Variants in CLASP1 observed in about 807,000 individuals in gnomAD.
CLASP1 encodes the protein cytoplasmic linker associated protein 1, also known as CLIP-associating protein 1.
Under a neutral mutation model 192.3 loss-of-function variants are expected in CLASP1, and 38 were observed. The ratio of observed to expected loss-of-function variants is 0.20; its 90% CI spans 0.15 to 0.26. CLASP1 has a LOEUF of 0.26. CLASP1 is among the 10% of genes least tolerant of loss of function. CLASP1 has a pLI of 1.00. For missense variants in CLASP1, 1,433 were observed against 1,932.5 expected, an observed-to-expected ratio of 0.74 and a Z score of 4.85; for synonymous variants, 691 against 712.8, an observed-to-expected ratio of 0.97 and a Z score of 0.49.
intron 2 of CLASP1, among the ~76,000 whole-genome samples, chr2:121,585,515 C>T (rs2061618249): frequency 2.0e-5 from 3 of 152,024 alleles, no homozygotes; most frequent in South Asian, 2.1e-4. Context: ...ATCCCCTGCC[C>T]TAAACAGGGT....
chr2:121,521,797 A>AC (rs2094463086), intron 6 of CLASP1, among the ~76,000 whole-genome samples: 1 of 152,194 alleles, frequency 6.6e-6, no homozygotes, highest in African/African-American at 2.4e-5. Context: ...CTGGAGGCTG[A>AC]CTACTAGGTC....
At chr2:121,556,394 C>T (rs1354193157) in intron 2 of CLASP1, among the ~76,000 whole-genome samples, 1 of 152,116 alleles carries the variant, frequency 6.6e-6, no homozygotes, top group Non-Finnish European at 1.5e-5. Context: ...GGCCTACAAG[C>T]CCTCATGATC....
chr2:121,546,473 G>A (rs1041721084), intron 2 of CLASP1, among the ~76,000 whole-genome samples: 3 of 151,882 alleles, frequency 2.0e-5, no homozygotes, highest in East Asian at 1.9e-4. Flanking sequence ...CATGGAAAAC[G>A]GAGAAAAGCA....
At chr2:121,457,979 T>C (rs2087048222) in intron 13 of CLASP1, among the ~76,000 whole-genome samples, 1 of 152,192 alleles carries the variant, frequency 6.6e-6, no homozygotes, top group South Asian at 2.1e-4. Context: ...AAGATAAGCC[T>C]AAAACAATCA....
chr2:121,537,405 A>AAGAG (rs530114114), intron 2 of CLASP1, among the ~76,000 whole-genome samples: 3 of 151,100 alleles, frequency 2.0e-5, no homozygotes, highest in Admixed American at 6.6e-5. Flanking sequence ...GAAAAAAAAA[A>AAGAG]AGAGAGAGAG....
chr2:121,424,729 G>T (rs2080093608), intron 22 of CLASP1, among the ~76,000 whole-genome samples: 1 of 152,118 alleles, frequency 6.6e-6, no homozygotes, highest in African/African-American at 2.4e-5. Flanking sequence ...GATTAGAGAA[G>T]ATCAGAATTA....
At chr2:121,568,310 T>A (rs970779154) in intron 2 of CLASP1, among the ~76,000 whole-genome samples, 2 of 151,880 alleles carry the variant, frequency 1.3e-5, no homozygotes, top group East Asian at 1.9e-4. Flanking sequence ...CTGGGGGCAA[T>A]TGTAACCACT....
intron 1 of CLASP1, among the ~76,000 whole-genome samples, chr2:121,636,292 C>T (rs907214550): frequency 2.0e-5 from 3 of 150,336 alleles, no homozygotes; most frequent in Non-Finnish European, 3.0e-5. Flanking sequence ...GCTGAGACTG[C>T]GCCACTGCAC....
At chr2:121,487,431 TC>T in intron 8 of CLASP1, among the ~76,000 whole-genome samples, 1 of 152,338 alleles carries the variant, frequency 6.6e-6, no homozygotes, top group African/African-American at 2.4e-5. Flanking sequence ...TTAACTATTG[TC>T]CCCAGCGTAT....
At chr2:121,345,328 G>A (rs971273855) in intron 39 of CLASP1, among the ~76,000 whole-genome samples, 5 of 152,110 alleles carry the variant, frequency 3.3e-5, no homozygotes, top group African/African-American at 7.2e-5. Flanking sequence ...TGGCAGCAGC[G>A]GGTCAATTGC....
intron 1 of CLASP1, among the ~76,000 whole-genome samples, chr2:121,631,083 C>T (rs907331374): frequency 1.6e-5 from 2 of 121,764 alleles, no homozygotes; most frequent in African/African-American, 3.0e-5. Flanking sequence ...GGCATGAACC[C>T]GGGAGGTGGA....
At chr2:121,405,433 A>G (rs2076765498) in intron 25 of CLASP1, among the ~76,000 whole-genome samples, 1 of 152,218 alleles carries the variant, frequency 6.6e-6, no homozygotes, top group Admixed American at 6.5e-5. Flanking sequence ...AAAACATTGT[A>G]CCTTCTACCG....
At chr2:121,369,833 A>AT (rs1203320792) in intron 34 of CLASP1, among the ~76,000 whole-genome samples, 7 of 151,636 alleles carry the variant, frequency 4.6e-5, no homozygotes, top group African/African-American at 7.3e-5. Flanking sequence ...TGGAAATGAC[A>AT]TTTTTTTTTC....
intron 8 of CLASP1, among the ~76,000 whole-genome samples, chr2:121,481,466 G>A (rs1412360640): frequency 6.6e-6 from 1 of 152,164 alleles, no homozygotes; most frequent in Non-Finnish European, 1.5e-5. Flanking sequence ...GTCCTTAGGA[G>A]GTCTCAATGA....
rs374774647 is a variant in CLASP1, at chr2:121,387,866, G to C, written c.3164C>G (p.Thr1055Ser). The change falls in exon 31 of 40, where the codon ACT (threonine) becomes AGT (serine). Residue 1055 changes from threonine (T) to serine (S), a missense_variant. By Grantham distance (58) the Thr-to-Ser change is moderately conservative. Transcript: ENST00000263710. ...ACCAAGTAACATGGTAAATTCAGGA[G>C]TATTCAATTCAAACAGAGAGATTAG... 1 of 1,612,240 alleles carries C rather than the reference G, an allele frequency of 6.2e-7. No individual in the cohort carries two copies. Among genetic ancestry groups the C allele is most frequent in the East Asian group, 2.2e-5 (1 of 44,882 alleles).
chr2:121,342,697 G>A (rs2062934259), intron 39 of CLASP1, among the ~76,000 whole-genome samples: 1 of 152,150 alleles, frequency 6.6e-6, no homozygotes. Context: ...TCTCAGCAAT[G>A]TAGGAGGCTG....
chr2:121,442,477 C>CTTTTTTTTTTT (rs2083502906), intron 19 of CLASP1, among the ~76,000 whole-genome samples: 1 of 146,058 alleles, frequency 6.8e-6, no homozygotes, highest in South Asian at 2.2e-4. Flanking sequence ...GCCTAAATTT[C>CTTTTTTTTTTT]TTTCTTTTTT....
chr2:121,571,212 G>A (rs2105411009), intron 2 of CLASP1, among the ~76,000 whole-genome samples: 1 of 151,990 alleles, frequency 6.6e-6, no homozygotes, highest in East Asian at 1.9e-4. Flanking sequence ...GTCTCACTCT[G>A]TCACCCAGGC....
At chr2:121,401,615 A>C (rs973840424) in exon 28 of CLASP1, 1 of 1,612,718 alleles carries the variant, frequency 6.2e-7, no homozygotes, top group Non-Finnish European at 8.5e-7. Context: ...CAGTCTTGTA[A>C]ATCATCCTTA....
Sources: gnomAD v4.1 joint callset for allele counts (sites outside exome capture counted in the v4.1 genomes callset) on GRCh38, gnomAD v4.1.1 for gene constraint, MANE v1.5 for transcripts, NCBI Gene and HGNC (gene_info 2026-07-23, HGNC 2026-07-21) for gene names.